Variants in PCDHGA2 observed in about 807,000 individuals in gnomAD.
PCDHGA2 encodes the protein protocadherin gamma-A2.
In PCDHGA2, 40 loss-of-function variants were observed where a neutral mutation model predicts 59.2. The ratio of observed to expected loss-of-function variants is 0.68; its 90% confidence interval spans 0.52 to 0.88. PCDHGA2 has a LOEUF of 0.88. Among genes scored for constraint, PCDHGA2 ranks in the 40% least tolerant of loss-of-function variants. The pLI is 0.00. For synonymous variants in PCDHGA2, 560 were observed against 526.0 expected (o/e 1.06, Z -0.89); for missense variants, 1,226 against 1,204.0 (o/e 1.02, Z -0.27).
chr5:141,341,463 T>C (rs1379322450), intron 1 of PCDHGA2, 68 bp downstream of exon 1: 1 of 1,600,314 alleles, frequency 6.2e-7, no homozygotes, highest in Non-Finnish European at 8.5e-7. Context: ...TTGTTTACTA[T>C]ATCTATTTTG....
chr5:141,414,986 A>G, intron 1 of PCDHGA2: 4 of 1,613,824 alleles, frequency 2.5e-6, no homozygotes, highest in Non-Finnish European at 3.4e-6. Context: ...GACTCCGGCC[A>G]GAACGCCTGG....
At position 141,410,750 on chromosome 5, in the gene PCDHGA2, A is replaced by G. The variant is rs1256862831; in HGVS notation, c.2424+69355A>G. Reference sequence around the variant, plus strand: ...CATAGCTTTTTACAATATTTTCTCAATGTTTTTTCAATTATAGTTTTCACT... The same window carrying G: ...CATAGCTTTTTACAATATTTTCTCAGTGTTTTTTCAATTATAGTTTTCACT... On this transcript the variant is annotated intron_variant, in intron 1 of 3. Coordinates refer to ENST00000394576, the MANE Select transcript of PCDHGA2 (RefSeq NM_018915.4). 23 of 1,243,022 alleles carry G rather than the reference A, an allele frequency of 1.9e-5. No homozygotes were observed. The East Asian group carries it at 4.4e-4, about 24-fold the overall frequency. 77.0% of individuals were successfully genotyped at this position (1,243,022 alleles called of 1,614,324 possible). A position where few individuals can be genotyped will look rare whatever the true frequency, so the allele number is the denominator to read the frequency against.
chr5:141,398,241 C>G, intron 1 of PCDHGA2: 1 of 1,474,150 alleles, frequency 6.8e-7, no homozygotes, highest in South Asian at 1.2e-5. Context: ...ACAGGATTCC[C>G]GAGGAAATGC....
In PCDHGA2 at chr5:141,511,402, A is replaced by C; in HGVS notation, c.*229A>C. On this transcript the variant is annotated 3_prime_UTR_variant, in exon 4 of 4. Transcript: ENST00000394576. Reference sequence around the variant, plus strand: ...TTCCGCTGGGAACCCCCATCCAATCAACTGCTGTACCCATGGGGGTAGTGG... The same window carrying C: ...TTCCGCTGGGAACCCCCATCCAATCCACTGCTGTACCCATGGGGGTAGTGG... The C allele has an allele frequency of 1.0e-6, 1 of 969,684 alleles. No individual in the cohort carries two copies. 60.1% of individuals were successfully genotyped at this position (969,684 alleles called of 1,614,324 possible).
intron 1 of PCDHGA2, chr5:141,409,321 T>G (rs899218484): frequency 1.9e-6 from 3 of 1,613,996 alleles, no homozygotes; most frequent in Admixed American, 1.7e-5. Context: ...AAACACGGGA[T>G]CTGGATTTCG....
intron 1 of PCDHGA2, chr5:141,364,663 G>T: frequency 6.2e-7 from 1 of 1,614,042 alleles, no homozygotes; most frequent in Non-Finnish European, 8.5e-7. Flanking sequence ...TCTTGGTTGA[G>T]AACAAAATGA....
chr5:141,448,394 T>A (rs1360417681), intron 1 of PCDHGA2, among the ~76,000 whole-genome samples: 2 of 152,206 alleles, frequency 1.3e-5, no homozygotes, highest in Admixed American at 6.5e-5. Context: ...TACATTTACA[T>A]GGTTTTAAAA....
At chr5:141,366,636 T>C (rs374724936) in intron 1 of PCDHGA2, 12 of 1,614,240 alleles carry the variant, frequency 7.4e-6, no homozygotes, top group Non-Finnish European at 1.0e-5. Context: ...AGTCACCTGA[T>C]CTTTCCCCAG....
chr5:141,443,650 CA>C (rs2098397782), intron 1 of PCDHGA2, among the ~76,000 whole-genome samples: 1 of 152,150 alleles, frequency 6.6e-6, no homozygotes. Flanking sequence ...ATAATGTTAG[CA>C]TAGCATTTTA....
chr5:141,476,687 A>G lies in PCDHGA2; in HGVS notation c.2425-18120A>G. 1 of 1,614,212 alleles carries G rather than the reference A, an allele frequency of 6.2e-7. No individual in the cohort carries two copies. Among genetic ancestry groups the G allele is most frequent in the Non-Finnish European group, 8.5e-7 (1 of 1,180,044 alleles). On this transcript the variant is annotated intron_variant, in intron 1 of 3. Transcript: ENST00000394576. This position sits in a 1 kb window ranked among gnomAD's most constrained non-coding sequence, Gnocchi z 7.6. ...TCGCGTGCAGACGCGGGAGGACAGC[A>G]CCAAGTACGCGGAGCTGGTGTTGGA... is the stretch of plus-strand genomic sequence containing the variant.
chr5:141,350,061 T>C (rs1042442430), intron 1 of PCDHGA2: 2 of 411,676 alleles, frequency 4.9e-6, no homozygotes, highest in Non-Finnish European at 4.2e-6. Context: ...CAAAAGGAAG[T>C]GAAGGCTTCT....
Position 141,491,547 on chromosome 5 carries a change from G to A in PCDHGA2, c.2425-3260G>A. On this transcript the variant is annotated intron_variant, in intron 1 of 3. Transcript: ENST00000394576. This position sits in a 1 kb window ranked among gnomAD's most constrained non-coding sequence, Gnocchi z 6.9. ...AGGTGACGCTGCGGCCCACAGACTC[G>A]CAGAGCCACTGCTACAGGACGTGCT... is the stretch of plus-strand genomic sequence containing the variant. The A allele has an allele frequency of 4.3e-6, 7 of 1,613,974 alleles. No individual in the cohort carries two copies. The highest frequency in any genetic ancestry group is 5.9e-6 in the Non-Finnish European group (7 of 1,180,022).
chr5:141,447,161 C>T (rs1432238455), intron 1 of PCDHGA2, among the ~76,000 whole-genome samples: 1 of 151,728 alleles, frequency 6.6e-6, no homozygotes, highest in East Asian at 1.9e-4. Flanking sequence ...TTTGTTTAAG[C>T]GGGGTCTTGC....
chr5:141,424,692 T>C (rs910540428), intron 1 of PCDHGA2: 2 of 152,004 alleles, frequency 1.3e-5, no homozygotes, highest in African/African-American at 4.8e-5. Context: ...CTTCTGGCTA[T>C]TTTTTTGTTC....
intron 1 of PCDHGA2, among the ~76,000 whole-genome samples, chr5:141,470,068 G>A (rs1269966360): frequency 6.6e-6 from 1 of 152,240 alleles, no homozygotes; most frequent in East Asian, 1.9e-4. Flanking sequence ...GGCAGAGACT[G>A]TAGTGATCTG....
chr5:141,347,137 C>CTCTCTCTTTCTTTCTTTCTTTCTT (rs375338309), intron 1 of PCDHGA2, among the ~76,000 whole-genome samples: 101 of 113,834 alleles, frequency 8.9e-4, no homozygotes, highest in African/African-American at 3.7e-3. Flanking sequence ...CTCTGTTTCT[C>CTCTCTCTTTCTTTCTTTCTTTCTT]TCTTTCTTTC....
Position 141,340,072 on chromosome 5 carries a change from G to A in PCDHGA2, c.1101G>A (p.Gly367=). 1 of 1,614,056 alleles carries A rather than the reference G, an allele frequency of 6.2e-7. No individual in the cohort carries two copies. The highest frequency in any genetic ancestry group is 8.5e-7 in the Non-Finnish European group (1 of 1,179,992). ...ACTCTCTTCCAGGAACCATAATTGGGCTTTTTAATGTACATGATAGAGACT... is the reference window on the plus strand; with the variant it reads ...ACTCTCTTCCAGGAACCATAATTGGACTTTTTAATGTACATGATAGAGACT... ...SEDSLPGTII[G]LFNVHDRDSG... Residue 367 remains glycine, a synonymous_variant, in exon 1 of 4, where the codon GGG becomes GGA. Coordinates refer to ENST00000394576, the MANE Select transcript of PCDHGA2 (RefSeq NM_018915.4).
intron 1 of PCDHGA2, among the ~76,000 whole-genome samples, chr5:141,466,921 AG>A (rs2099132133): frequency 6.6e-6 from 1 of 152,204 alleles, no homozygotes; most frequent in African/African-American, 2.4e-5. Context: ...TCCTTGTATT[AG>A]GAATATTAGT....
chr5:141,387,606 T>C, intron 1 of PCDHGA2: 1 of 549,218 alleles, frequency 1.8e-6, no homozygotes, highest in Non-Finnish European at 3.2e-6. Context: ...GCAGAGGCTG[T>C]AGTTTCCTAG....
Sources: allele counts gnomAD v4.1 joint callset (sites outside exome capture counted in the v4.1 genomes callset), GRCh38; gene constraint gnomAD v4.1.1; non-coding constraint Gnocchi (gnomAD v3.1); transcripts MANE v1.5; gene names NCBI Gene and HGNC (gene_info 2026-07-23, HGNC 2026-07-21).